ZNRF4: variants seen among roughly 807,000 people sequenced by gnomAD.
The protein encoded by ZNRF4 is E3 ubiquitin-protein ligase ZNRF4.
For missense variants in ZNRF4, 569 were observed against 609.4 expected, an observed-to-expected ratio of 0.93 and a Z score of 0.70; for synonymous variants, 291 against 285.9, an observed-to-expected ratio of 1.02 and a Z score of -0.18.
Position 5,456,817 on chromosome 19 carries a change from G to A in ZNRF4, c.*36G>A, listed in dbSNP as rs746541201. On this transcript the variant is annotated 3_prime_UTR_variant, in exon 1 of 1. Transcript: ENST00000222033. ...CAGGGAGGGGGGTGCAATGAGGAAT[G>A]TTTCTGGTCTGAAAAGAATAAAGTG... 9 of 1,494,714 alleles carry A rather than the reference G, an allele frequency of 6.0e-6. No homozygotes were observed. Among genetic ancestry groups the A allele is most frequent in the Non-Finnish European group, 8.0e-6 (9 of 1,120,768 alleles). The allele number at this position is 1,494,714 out of a possible 1,614,324, so 92.6% of individuals were successfully genotyped here.
Position 5,455,566 on chromosome 19 carries a change from C to T in ZNRF4, c.75C>T (p.Ser25=). 6.2e-7 allele frequency: 1 copy of T among 1,612,688 alleles called. No individual in the cohort carries two copies. Among genetic ancestry groups the T allele is most frequent in the Non-Finnish European group, 8.5e-7 (1 of 1,180,016 alleles). ...RVPVAASLPL[S]HAVIPTQLPS... is the part of the protein sequence containing the mutation. ...CAGTGGCCGCGTCACTGCCTCTGAG[C>T]CACGCGGTCATTCCAACTCAACTGC... Residue 25 remains serine (S), a synonymous_variant, in exon 1 of 1, where the codon AGC becomes AGT. Transcript: ENST00000222033.
chr19:5,456,731 G>T lies in ZNRF4; in HGVS notation c.1240G>T (p.Ala414Ser). The T allele has an allele frequency of 6.2e-7, 1 of 1,604,698 alleles. No individual in the cohort carries two copies. The highest frequency in any genetic ancestry group is 8.5e-7 in the Non-Finnish European group (1 of 1,173,950). Reference sequence around the variant, plus strand: ...CCACTGCAGCACCACGTCCCTGGAGGCAGAGTATACCACTGTCTCCTCAGC... The same window carrying T: ...CCACTGCAGCACCACGTCCCTGGAGTCAGAGTATACCACTGTCTCCTCAGC... ...HCHCSTTSLE[A>S]EYTTVSSAPP... Residue 414 changes from alanine to serine, a missense_variant, in exon 1 of 1, where the codon GCA (alanine) becomes TCA (serine). Coordinates refer to ENST00000222033, the MANE Select transcript of ZNRF4 (RefSeq NM_181710.4).
rs536172219 is a variant in ZNRF4, at chr19:5,456,023, G to A, written c.532G>A (p.Ala178Thr). 24 of 1,601,474 alleles carry A rather than the reference G, an allele frequency of 1.5e-5. No individual in the cohort carries two copies. Among genetic ancestry groups the A allele is most frequent in the Middle Eastern group, 1.7e-4 (1 of 6,060 alleles). The change falls in exon 1 of 1, where the codon GCC becomes ACC. Residue 178 changes from alanine to threonine, a missense_variant. Ala to Thr is a moderately conservative substitution (Grantham distance 58, BLOSUM62 0). Transcript: ENST00000222033. ...FDLKVLNAQRAGFEAAIVHNV... is the reference protein window; with the variant it reads ...FDLKVLNAQRTGFEAAIVHNV... ...CCTCAAGGTGCTGAACGCCCAGCGC[G>A]CCGGCTTCGAGGCGGCCATCGTGCA...
At position 5,456,109 on chromosome 19, in the gene ZNRF4, G is replaced by A. The variant is rs781037203; in HGVS notation, c.618G>A (p.Gln206=). The part of the protein sequence containing the change: ...MTHVYEDLRG[Q]IAIPSVFVSE... ...ACGTCTACGAGGACTTGAGGGGCCA[G>A]ATCGCCATCCCCTCAGTGTTCGTGA... Residue 206 remains glutamine, a synonymous_variant, in exon 1 of 1, where the codon CAG becomes CAA. Transcript: ENST00000222033. 1 of 1,607,008 alleles carries A rather than the reference G, an allele frequency of 6.2e-7. No individual in the cohort carries two copies. Among genetic ancestry groups the A allele is most frequent in the East Asian group, 2.2e-5 (1 of 44,868 alleles).
chr19:5,456,134 A>T lies in ZNRF4; in HGVS notation c.643A>T (p.Ser215Cys). The T allele has an allele frequency of 6.2e-7, 1 of 1,607,016 alleles. No individual in the cohort carries two copies. Among genetic ancestry groups the T allele is most frequent in the Non-Finnish European group, 8.5e-7 (1 of 1,179,840 alleles). ...GQIAIPSVFV[S>C]EAASQDLRVI... The stretch of plus-strand genomic sequence containing the variant: ...GATCGCCATCCCCTCAGTGTTCGTG[A>T]GCGAGGCCGCCTCGCAGGACCTGCG... The change falls in exon 1 of 1, where the codon AGC becomes TGC. Residue 215 changes from serine (S) to cysteine (C), a missense_variant. By Grantham distance (112) the Ser-to-Cys change is moderately radical. Coordinates refer to ENST00000222033, the MANE Select transcript of ZNRF4 (RefSeq NM_181710.4).
rs374695381 is a variant in ZNRF4, at chr19:5,455,934, C to T, written c.443C>T (p.Pro148Leu). ...PANACHPIEA[P>L]RLGNRSLGAI... ...AACGCGTGCCATCCCATCGAGGCCCCGCGACTGGGCAACCGCTCTCTGGGC... is the reference window on the plus strand; with the variant it reads ...AACGCGTGCCATCCCATCGAGGCCCTGCGACTGGGCAACCGCTCTCTGGGC... Residue 148 changes from proline (P) to leucine (L), a missense_variant, in exon 1 of 1, where the codon CCG (proline) becomes CTG (leucine). By Grantham distance (98) the Pro-to-Leu change is moderately conservative (BLOSUM62 -3). Transcript: ENST00000222033. 65 of 1,600,762 alleles carry T rather than the reference C, an allele frequency of 4.1e-5. No individual in the cohort carries two copies. Among genetic ancestry groups the T allele is most frequent in the East Asian group, 1.3e-4 (6 of 44,846 alleles).
In ZNRF4 at chr19:5,455,670, C is replaced by G. The variant is rs778463532; in HGVS notation, c.179C>G (p.Pro60Arg). The G allele has an allele frequency of 1.2e-6, 2 of 1,610,142 alleles. No homozygotes were observed. The highest frequency in any genetic ancestry group is 4.5e-5 in the East Asian group (2 of 44,886). Reference sequence around the variant, plus strand: ...TCATGCCTGCCGCCTCCAGTGGGACCTAGCAGCACACAGACAGCGAAGCGG... The same window carrying G: ...TCATGCCTGCCGCCTCCAGTGGGACGTAGCAGCACACAGACAGCGAAGCGG... ...KASCLPPPVG[P>R]SSTQTAKRVT... Residue 60 changes from proline to arginine, a missense_variant, in exon 1 of 1, where the codon CCT becomes CGT. Transcript: ENST00000222033.
rs368218986 is a variant in ZNRF4, at chr19:5,455,700, C to T, written c.209C>T (p.Thr70Ile). The T allele has an allele frequency of 6.2e-7, 1 of 1,608,636 alleles. No individual in the cohort carries two copies. Among genetic ancestry groups the T allele is most frequent in the Non-Finnish European group, 8.5e-7 (1 of 1,179,878 alleles). Residue 70 changes from threonine to isoleucine, a missense_variant, in exon 1 of 1, where the codon ACC (threonine) becomes ATC (isoleucine). Thr to Ile is a moderately conservative substitution (Grantham distance 89). Transcript: ENST00000222033. The part of the protein sequence containing the change: ...PSSTQTAKRV[T>I]MGWPRPGRAL... ...AGCACACAGACAGCGAAGCGGGTGA[C>T]CATGGGGTGGCCACGGCCGGGCCGA...
Position 5,455,913 on chromosome 19 carries a change from C to T in ZNRF4, c.422C>T (p.Ala141Val), listed in dbSNP as rs1341504479. The change falls in exon 1 of 1, where the codon GCG becomes GTG. Residue 141 changes from alanine to valine, a missense_variant. Physicochemically the swap from Ala to Val is moderately conservative, Grantham distance 64. Coordinates refer to ENST00000222033, the MANE Select transcript of ZNRF4 (RefSeq NM_181710.4). Reference sequence around the variant, plus strand: ...CTGATGGAGGTCAAGCCAGCCAACGCGTGCCATCCCATCGAGGCCCCGCGA... The same window carrying T: ...CTGATGGAGGTCAAGCCAGCCAACGTGTGCCATCCCATCGAGGCCCCGCGA... ...GYLMEVKPAN[A>V]CHPIEAPRLG... The T allele has an allele frequency of 1.9e-6, 3 of 1,601,704 alleles. No homozygotes were observed. Among genetic ancestry groups the T allele is most frequent in the Middle Eastern group, 1.7e-4 (1 of 6,060 alleles).
chr19:5,455,923 C>A lies in ZNRF4; in HGVS notation c.432C>A (p.Pro144=), dbSNP rs763382163. 3.1e-6 allele frequency: 5 copies of A among 1,601,402 alleles called. No individual in the cohort carries two copies. The highest frequency in any genetic ancestry group is 3.4e-6 in the Non-Finnish European group (4 of 1,179,410). The part of the protein sequence containing the change: ...MEVKPANACH[P]IEAPRLGNRS... ...TCAAGCCAGCCAACGCGTGCCATCC[C>A]ATCGAGGCCCCGCGACTGGGCAACC... The change falls in exon 1 of 1, where the codon CCC becomes CCA. Residue 144 remains proline, a synonymous_variant. Coordinates refer to ENST00000222033, the MANE Select transcript of ZNRF4 (RefSeq NM_181710.4).
At position 5,455,986 on chromosome 19, in the gene ZNRF4, C is replaced by T. The variant is rs745858881; in HGVS notation, c.495C>T (p.Asp165=). Residue 165 remains aspartate, a synonymous_variant, in exon 1 of 1, where the codon GAC becomes GAT. Transcript: ENST00000222033. ...CCATCGTGCTGATCCGCCGCTACGA[C>T]TGCACCTTCGACCTCAAGGTGCTGA... ...LGAIVLIRRY[D]CTFDLKVLNA... is the part of the protein sequence containing the mutation. The T allele has an allele frequency of 1.2e-6, 2 of 1,600,422 alleles. No individual in the cohort carries two copies. The highest frequency in any genetic ancestry group is 2.7e-5 in the African/African-American group (2 of 74,942).
chr19:5,456,108 A>C lies in ZNRF4; in HGVS notation c.617A>C (p.Gln206Pro). ...CACGTCTACGAGGACTTGAGGGGCC[A>C]GATCGCCATCCCCTCAGTGTTCGTG... ...MTHVYEDLRG[Q>P]IAIPSVFVSE... Residue 206 changes from glutamine to proline, a missense_variant, in exon 1 of 1, where the codon CAG (glutamine) becomes CCG (proline). Physicochemically the swap from Gln to Pro is moderately conservative, Grantham distance 76 (BLOSUM62 -1). Transcript: ENST00000222033. 6.2e-7 allele frequency: 1 copy of C among 1,606,982 alleles called. No homozygotes were observed. Among genetic ancestry groups the C allele is most frequent in the Non-Finnish European group, 8.5e-7 (1 of 1,179,876 alleles).
At position 5,456,013 on chromosome 19, in the gene ZNRF4, C is replaced by T. The variant is rs776302528; in HGVS notation, c.522C>T (p.Asn174=). 6 of 1,600,944 alleles carry T rather than the reference C, an allele frequency of 3.7e-6. No individual in the cohort carries two copies. The highest frequency in any genetic ancestry group is 2.2e-5 in the East Asian group (1 of 44,882). The change falls in exon 1 of 1, where the codon AAC becomes AAT. Residue 174 remains asparagine (N), a synonymous_variant. Transcript: ENST00000222033. Reference sequence around the variant, plus strand: ...GCACCTTCGACCTCAAGGTGCTGAACGCCCAGCGCGCCGGCTTCGAGGCGG... The same window carrying T: ...GCACCTTCGACCTCAAGGTGCTGAATGCCCAGCGCGCCGGCTTCGAGGCGG... ...YDCTFDLKVL[N]AQRAGFEAAI... is the part of the protein sequence containing the mutation.
In ZNRF4 at chr19:5,456,090, A is replaced by T; in HGVS notation, c.599A>T (p.Tyr200Phe). 6.2e-7 allele frequency: 1 copy of T among 1,606,270 alleles called. No individual in the cohort carries two copies. Among genetic ancestry groups the T allele is most frequent in the Non-Finnish European group, 8.5e-7 (1 of 1,179,860 alleles). ...SDDLVSMTHV[Y>F]EDLRGQIAIP... ...GACCTCGTGAGCATGACCCACGTCT[A>T]CGAGGACTTGAGGGGCCAGATCGCC... The change falls in exon 1 of 1, where the codon TAC (tyrosine) becomes TTC (phenylalanine). Residue 200 changes from tyrosine to phenylalanine, a missense_variant. By Grantham distance (22) the Tyr-to-Phe change is conservative (BLOSUM62 3). Coordinates refer to ENST00000222033, the MANE Select transcript of ZNRF4 (RefSeq NM_181710.4).
chr19:5,456,788 A>C lies in ZNRF4; in HGVS notation c.*7A>C. 1.3e-6 allele frequency: 2 copies of C among 1,525,758 alleles called. No homozygotes were observed. The highest frequency in any genetic ancestry group is 1.8e-6 in the Non-Finnish European group (2 of 1,135,502). 94.5% of individuals were successfully genotyped at this position (1,525,758 alleles called of 1,614,324 possible). ...TGAGGCCCCTGGTCAGTAAAGATCT[A>C]GGGCAGGGAGGGGGGTGCAATGAGG... On this transcript the variant is annotated 3_prime_UTR_variant, in exon 1 of 1. Coordinates refer to ENST00000222033, the MANE Select transcript of ZNRF4 (RefSeq NM_181710.4).
rs773537057 is a variant in ZNRF4, at chr19:5,456,101, AGGG to A, written c.612_614del (p.Arg204_Gly205delinsSer). ...CATGACCCACGTCTACGAGGACTTG[AGGG>A]GCCAGATCGCCATCCCCTCAGTGTT... On this transcript the variant is annotated inframe_deletion, in exon 1 of 1. Transcript: ENST00000222033. 3 of 1,606,600 alleles carry A rather than the reference AGGG, an allele frequency of 1.9e-6. No individual in the cohort carries two copies. Among genetic ancestry groups the A allele is most frequent in the Non-Finnish European group, 2.5e-6 (3 of 1,179,864 alleles).
rs2051614300 is a variant in ZNRF4 at position 5,456,006 on chromosome 19, T to G, written c.515T>G (p.Val172Gly). Residue 172 changes from valine (V) to glycine (G), a missense_variant, in exon 1 of 1, where the codon GTG becomes GGG. Val to Gly is a moderately radical substitution (Grantham distance 109). Coordinates refer to ENST00000222033, the MANE Select transcript of ZNRF4 (RefSeq NM_181710.4). ...RRYDCTFDLK[V>G]LNAQRAGFEA... ...TACGACTGCACCTTCGACCTCAAGG[T>G]GCTGAACGCCCAGCGCGCCGGCTTC... 1 of 1,600,822 alleles carries G rather than the reference T, an allele frequency of 6.2e-7. No individual in the cohort carries two copies. The highest frequency in any genetic ancestry group is 2.2e-5 in the East Asian group (1 of 44,870).
chr19:5,456,848 G>A lies in ZNRF4; in HGVS notation c.*67G>A. 1 of 1,429,116 alleles carries A rather than the reference G, an allele frequency of 7.0e-7. No homozygotes were observed. Among genetic ancestry groups the A allele is most frequent in the Non-Finnish European group, 9.3e-7 (1 of 1,079,446 alleles). The allele number at this position is 1,429,116 out of a possible 1,614,324, so 88.5% of individuals were successfully genotyped here. A position where few individuals can be genotyped will look rare whatever the true frequency, so the allele number is the denominator to read the frequency against. Reference sequence around the variant, plus strand: ...GGTCTGAAAAGAATAAAGTGGGTTTGAAAGCGGATTCTCAGCCTCGCTGCT... The same window carrying A: ...GGTCTGAAAAGAATAAAGTGGGTTTAAAAGCGGATTCTCAGCCTCGCTGCT... On this transcript the variant is annotated 3_prime_UTR_variant, in exon 1 of 1. Coordinates refer to ENST00000222033, the MANE Select transcript of ZNRF4 (RefSeq NM_181710.4).
rs1244084504 is a variant in ZNRF4 at position 5,456,668 on chromosome 19, C to T, written c.1177C>T (p.Arg393Trp). Reference sequence around the variant, plus strand: ...GGCCATTCAAGTCCAGCTACGCTCCCGGAGGCTGGAGCTGCTGGGCCGCGC... The same window carrying T: ...GGCCATTCAAGTCCAGCTACGCTCCTGGAGGCTGGAGCTGCTGGGCCGCGC... ...IWAIQVQLRS[R>W]RLELLGRASP... The change falls in exon 1 of 1, where the codon CGG becomes TGG. Residue 393 changes from arginine (R) to tryptophan (W), a missense_variant. Physicochemically the swap from Arg to Trp is moderately radical, Grantham distance 101. Coordinates refer to ENST00000222033, the MANE Select transcript of ZNRF4 (RefSeq NM_181710.4). 3.7e-6 allele frequency: 6 copies of T among 1,613,638 alleles called. No individual in the cohort carries two copies. Among genetic ancestry groups the T allele is most frequent in the East Asian group, 2.2e-5 (1 of 44,860 alleles).
Sources: gnomAD v4.1 joint callset for allele counts on GRCh38, gnomAD v4.1.1 for gene constraint, MANE v1.5 for transcripts, NCBI Gene and HGNC (gene_info 2026-07-23, HGNC 2026-07-21) for gene names.